The following WWOX variants were observed in gnomAD, a reference collection of about 807,000 sequenced individuals.
The protein encoded by WWOX is WW domain containing oxidoreductase.
In WWOX, 69 loss-of-function variants were observed where a neutral mutation model predicts 46.2. The observed-to-expected ratio is 1.49, with a 90% CI of 1.23 to 1.82. The LOEUF (loss-of-function observed/expected upper bound fraction) is 1.82, where lower values mean the gene tolerates loss of function less well. WWOX is among the 40% of genes most tolerant of loss of function. The pLI, the probability that WWOX is intolerant of heterozygous loss-of-function variation, is 0.00. For missense variants in WWOX, 919 were observed against 542.6 expected (o/e 1.69, Z -6.89); for synonymous variants, 359 against 202.6 (o/e 1.77, Z -6.56).
intron 8 of WWOX, among the ~76,000 whole-genome samples, chr16:79,011,818 A>G (rs1226730299): frequency 6.6e-6 from 1 of 151,988 alleles, no homozygotes; most frequent in African/African-American, 2.4e-5. Flanking sequence ...CAAAAAAACA[A>G]AAAACTCTTT....
intron 5 of WWOX, among the ~76,000 whole-genome samples, chr16:78,339,058 T>G (rs2080955181): frequency 8.3e-6 from 1 of 120,338 alleles, no homozygotes; most frequent in Admixed American, 8.2e-5. Flanking sequence ...AGAAGGAAAT[T>G]TAGCTTCCTT....
At chr16:78,915,365 G>A (rs761251762) in intron 8 of WWOX, among the ~76,000 whole-genome samples, 23 of 152,276 alleles carry the variant, frequency 1.5e-4, no homozygotes, top group Admixed American at 2.6e-4. Flanking sequence ...CCCCTTTCAC[G>A]GGAGGCTGGG....
At chr16:78,919,981 C>T (rs147045520) in intron 8 of WWOX, among the ~76,000 whole-genome samples, 1 of 152,190 alleles carries the variant, frequency 6.6e-6, no homozygotes, top group African/African-American at 2.4e-5. Context: ...TACGGTTTGC[C>T]TCCTTCTCAT....
intron 8 of WWOX, among the ~76,000 whole-genome samples, chr16:78,758,054 A>G (rs917890567): frequency 6.6e-6 from 1 of 152,126 alleles, no homozygotes; most frequent in Admixed American, 6.6e-5. Context: ...ATGTGCCCCT[A>G]TTATTATTAA....
chr16:78,173,063 A>C (rs951249924), intron 5 of WWOX, among the ~76,000 whole-genome samples: 10 of 152,202 alleles, frequency 6.6e-5, no homozygotes, highest in African/African-American at 2.4e-4. Context: ...ACAAGTAGAG[A>C]AACAACTGTA....
rs562898235 is a variant in WWOX, at chr16:78,745,762, T to C, written c.1056+313010T>C. Among the ~76,000 whole-genome samples the C allele has an allele frequency of 8.6e-5, 13 of 151,028 alleles. No homozygotes were observed. In the South Asian group the frequency reaches 2.8e-3, roughly 32 times the overall value. ...CTTCTCCTCCTCCCTCTTCCTCCTC[T>C]TTTTCCCCCCCCTTCAAATAGTTCC... On this transcript the variant is annotated intron_variant, in intron 8 of 8. Transcript: ENST00000566780.
intron 8 of WWOX, among the ~76,000 whole-genome samples, chr16:78,845,917 T>G (rs2052286809): frequency 6.6e-6 from 1 of 152,226 alleles, no homozygotes; most frequent in South Asian, 2.1e-4. Flanking sequence ...TAGATGGGTT[T>G]ATGCCTAATT....
intron 8 of WWOX, among the ~76,000 whole-genome samples, chr16:79,208,027 C>T (rs1386733067): frequency 1.3e-5 from 2 of 152,116 alleles, no homozygotes; most frequent in African/African-American, 4.8e-5. Context: ...TTTCTAAATC[C>T]CACCTTTCTG....
intron 8 of WWOX, among the ~76,000 whole-genome samples, chr16:79,037,830 T>G (rs971707705): frequency 7.9e-5 from 12 of 151,998 alleles, no homozygotes; most frequent in African/African-American, 2.9e-4. Flanking sequence ...CTGCCAGAGG[T>G]CAGCATTCCA....
chr16:78,742,794 G>C (rs1280307571), intron 8 of WWOX, among the ~76,000 whole-genome samples: 1 of 152,130 alleles, frequency 6.6e-6, no homozygotes, highest in Non-Finnish European at 1.5e-5. Context: ...TGATGTTCTT[G>C]GGAAACTTTG....
At chr16:78,309,767 G>C (rs1277317901) in intron 5 of WWOX, among the ~76,000 whole-genome samples, 1 of 152,166 alleles carries the variant, frequency 6.6e-6, no homozygotes, top group African/African-American at 2.4e-5. Context: ...AGAAATGAAA[G>C]GATGATGGGA....
chr16:78,912,567 G>C (rs8060900), intron 8 of WWOX, among the ~76,000 whole-genome samples: 1 of 151,900 alleles, frequency 6.6e-6, no homozygotes, highest in Non-Finnish European at 1.5e-5. Context: ...AACCAGCAGG[G>C]TTATATCCCC....
chr16:78,470,491 C>G (rs1178593842), intron 8 of WWOX, among the ~76,000 whole-genome samples: 1 of 152,166 alleles, frequency 6.6e-6, no homozygotes, highest in East Asian at 1.9e-4. Context: ...AGCAAGACCC[C>G]ACTCTTTTAT....
intron 5 of WWOX, among the ~76,000 whole-genome samples, chr16:78,327,959 C>A (rs1159418963): frequency 1.4e-5 from 2 of 147,074 alleles, no homozygotes; most frequent in African/African-American, 5.0e-5. Flanking sequence ...TCATGGCAAC[C>A]TCAAACTTCT....
At chr16:78,964,530 G>A (rs994652043) in intron 8 of WWOX, among the ~76,000 whole-genome samples, 3 of 152,202 alleles carry the variant, frequency 2.0e-5, no homozygotes, top group Non-Finnish European at 4.4e-5. Flanking sequence ...TGACTTGGGT[G>A]CTGTTAAAGG....
intron 8 of WWOX, among the ~76,000 whole-genome samples, chr16:78,646,488 C>T (rs780087783): frequency 3.9e-5 from 6 of 152,038 alleles, no homozygotes; most frequent in African/African-American, 9.7e-5. Context: ...GGTGCAGTGG[C>T]GTGATCTTAG....
At position 78,570,045 on chromosome 16, in the gene WWOX, A is replaced by C. The variant is rs143587515; in HGVS notation, c.1056+137293A>C. ...ACTCTAAAACTAACAGGTGGATATA[A>C]ATATAAAGAAAATACAGTATTTTGT... On this transcript the variant is annotated intron_variant, in intron 8 of 8. Transcript: ENST00000566780. 7.2e-5 allele frequency among the ~76,000 whole-genome samples: 11 copies of C among 152,330 alleles called. 1 individual carries two copies. The highest frequency in any genetic ancestry group is 2.6e-4 in the African/African-American group (11 of 41,580).
intron 8 of WWOX, among the ~76,000 whole-genome samples, chr16:78,640,096 C>G (rs535826751): frequency 6.6e-6 from 1 of 151,886 alleles, no homozygotes; most frequent in East Asian, 1.9e-4. Context: ...AATAGAAACA[C>G]AAAGCATTGA....
At chr16:78,628,728 C>T (rs74029598) in intron 8 of WWOX, among the ~76,000 whole-genome samples, 3 of 152,030 alleles carry the variant, frequency 2.0e-5, no homozygotes, top group African/African-American at 7.3e-5. Flanking sequence ...GTTTTAAATT[C>T]AGGGTTAATT....
Sources: gnomAD v4.1 joint callset for allele counts (sites outside exome capture counted in the v4.1 genomes callset) on GRCh38, gnomAD v4.1.1 for gene constraint, MANE v1.5 for transcripts, NCBI Gene and HGNC (gene_info 2026-07-23, HGNC 2026-07-21) for gene names.